The following MGMT variants were observed in gnomAD, a reference collection of about 807,000 sequenced individuals.
MGMT encodes the protein methylated-DNA--protein-cysteine methyltransferase.
In MGMT, 14 loss-of-function variants were observed where a neutral mutation model predicts 15.9. The observed-to-expected ratio is 0.88, with a 90% CI of 0.58 to 1.37. The LOEUF (loss-of-function observed/expected upper bound fraction) is 1.37. Among genes scored for constraint, MGMT ranks in the 40% most tolerant of loss-of-function variants. The pLI is 0.00. For synonymous variants in MGMT, 130 were observed against 118.2 expected (o/e 1.10, Z -0.65); for missense variants, 282 against 268.1 (o/e 1.05, Z -0.36).
intron 2 of MGMT, among the ~76,000 whole-genome samples, chr10:129,577,794 A>G (rs1158622053): frequency 1.3e-5 from 2 of 152,084 alleles, no homozygotes; most frequent in African/African-American, 4.8e-5. Context: ...TCCTCTGGCA[A>G]AGGGCTAATA....
intron 3 of MGMT, among the ~76,000 whole-genome samples, chr10:129,758,484 G>C (rs950899133): frequency 2.0e-5 from 3 of 152,048 alleles, no homozygotes; most frequent in African/African-American, 4.8e-5. Context: ...ACCACTCCCA[G>C]GTAACAGTTC....
intron 2 of MGMT, among the ~76,000 whole-genome samples, chr10:129,560,954 A>AGTGTGT (rs57984603): frequency 0.053 from 7,027 of 133,110 alleles, 224 homozygotes; most frequent in Non-Finnish European, 0.075. Context: ...AGTAAAGAGC[A>AGTGTGT]GTGTGTGTGT....
At chr10:129,647,060 G>A (rs373430067) in intron 2 of MGMT, among the ~76,000 whole-genome samples, 36 of 152,080 alleles carry the variant, frequency 2.4e-4, no homozygotes, top group African/African-American at 3.1e-4. Flanking sequence ...CAGTTTGCAC[G>A]CCTCCCTCTG....
At chr10:129,549,615 C>A (rs1406067951) in intron 2 of MGMT, among the ~76,000 whole-genome samples, 3 of 152,076 alleles carry the variant, frequency 2.0e-5, no homozygotes, top group Non-Finnish European at 4.4e-5. Context: ...CAAATTGTGT[C>A]CAAGCAAATT....
chr10:129,480,890 A>G (rs970193631), intron 1 of MGMT, among the ~76,000 whole-genome samples: 5 of 152,256 alleles, frequency 3.3e-5, no homozygotes, highest in Admixed American at 6.5e-5. Flanking sequence ...TCTAAAATGA[A>G]GTTGGTAAGT....
At chr10:129,652,353 A>G (rs1847469829) in intron 2 of MGMT, among the ~76,000 whole-genome samples, 1 of 152,098 alleles carries the variant, frequency 6.6e-6, no homozygotes, top group African/African-American at 2.4e-5. Context: ...TTTGACAGCG[A>G]GGTGAGCTGC....
intron 2 of MGMT, among the ~76,000 whole-genome samples, chr10:129,584,118 G>C (rs561536332): frequency 6.6e-6 from 1 of 152,188 alleles, no homozygotes; most frequent in South Asian, 2.1e-4. Context: ...GTAGACAGAG[G>C]GTGAGGCCTG....
chr10:129,653,134 C>T (rs904696241), intron 2 of MGMT, among the ~76,000 whole-genome samples: 1 of 152,204 alleles, frequency 6.6e-6, no homozygotes, highest in Non-Finnish European at 1.5e-5. Flanking sequence ...ACAGCCTTTC[C>T]TTGTCTTTAT....
At chr10:129,510,981 C>T (rs769517868) in intron 1 of MGMT, among the ~76,000 whole-genome samples, 2 of 148,240 alleles carry the variant, frequency 1.3e-5, no homozygotes, top group Non-Finnish European at 3.0e-5. Flanking sequence ...GTGATGAGAA[C>T]CCTGTATACC....
intron 2 of MGMT, among the ~76,000 whole-genome samples, chr10:129,612,493 A>C (rs1846972521): frequency 6.6e-6 from 1 of 152,216 alleles, no homozygotes; most frequent in African/African-American, 2.4e-5. Context: ...AAAATATTTT[A>C]TCATTACCTA....
intron 2 of MGMT, among the ~76,000 whole-genome samples, chr10:129,633,201 T>C (rs925050390): frequency 2.0e-5 from 3 of 152,126 alleles, no homozygotes; most frequent in Non-Finnish European, 2.9e-5. Context: ...ATATCTAAAT[T>C]ATAGAAAAAA....
At chr10:129,646,516 T>C (rs192091723) in intron 2 of MGMT, among the ~76,000 whole-genome samples, 86 of 151,674 alleles carry the variant, frequency 5.7e-4, no homozygotes, top group African/African-American at 2.0e-3. Context: ...CCTGCACAAA[T>C]CGTCTCAAAG....
At chr10:129,715,815 A>G (rs1231695763) in intron 3 of MGMT, among the ~76,000 whole-genome samples, 1 of 152,232 alleles carries the variant, frequency 6.6e-6, no homozygotes, top group African/African-American at 2.4e-5. Context: ...CTATGACTTA[A>G]TGTAAATGCT....
intron 1 of MGMT, among the ~76,000 whole-genome samples, chr10:129,496,480 G>A (rs1219599472): frequency 1.3e-5 from 2 of 152,150 alleles, no homozygotes; most frequent in Non-Finnish European, 2.9e-5. Context: ...TATCCTAGCG[G>A]TGCTTGCAAC....
chr10:129,628,983 C>T (rs967611368), intron 2 of MGMT, among the ~76,000 whole-genome samples: 3 of 152,208 alleles, frequency 2.0e-5, no homozygotes, highest in East Asian at 1.9e-4. Flanking sequence ...GCGCCACTCC[C>T]GGGGGAACCC....
At chr10:129,648,746 A>C (rs1847424275) in intron 2 of MGMT, among the ~76,000 whole-genome samples, 1 of 152,096 alleles carries the variant, frequency 6.6e-6, no homozygotes, top group South Asian at 2.1e-4. Flanking sequence ...GGAATCTTTT[A>C]TCTTTGCATA....
chr10:129,726,437 G>A (rs897814659), intron 3 of MGMT, among the ~76,000 whole-genome samples: 1 of 152,234 alleles, frequency 6.6e-6, no homozygotes, highest in Non-Finnish European at 1.5e-5. Context: ...TTGTGAGGAC[G>A]CTCTCCAGCA....
intron 3 of MGMT, among the ~76,000 whole-genome samples, chr10:129,712,005 C>CA (rs1400915435): frequency 6.6e-6 from 1 of 152,188 alleles, no homozygotes; most frequent in Non-Finnish European, 1.5e-5. Flanking sequence ...GCAGCCAATG[C>CA]AGCTACAAGA....
At chr10:129,709,795 G>C (rs1484634737) in intron 3 of MGMT, among the ~76,000 whole-genome samples, 1 of 152,082 alleles carries the variant, frequency 6.6e-6, no homozygotes, top group Non-Finnish European at 1.5e-5. Context: ...GACCCTGCTG[G>C]CCTGGTCTCA....
Sources: allele counts gnomAD v4.1 joint callset (sites outside exome capture counted in the v4.1 genomes callset), GRCh38; gene constraint gnomAD v4.1.1; transcripts MANE v1.5; gene names NCBI Gene and HGNC (gene_info 2026-07-23, HGNC 2026-07-21).